Variants in IL17A observed in about 807,000 individuals in gnomAD.
IL17A encodes interleukin 17A.
IL17A carries 1 observed loss-of-function variant against 7.2 expected under a neutral mutation model. The ratio of observed to expected loss-of-function variants is 0.14; its 90% CI spans 0.05 to 0.66. The LOEUF (loss-of-function observed/expected upper bound fraction) is 0.66, where lower values mean the gene tolerates loss of function less well. IL17A is among the 30% of genes least tolerant of loss of function. The pLI, the probability that IL17A is intolerant of heterozygous loss-of-function variation, is 0.84. For missense variants in IL17A, 191 were observed against 197.1 expected (o/e 0.97, Z 0.18); for synonymous variants, 90 against 77.7 (o/e 1.16, Z -0.83).
Position 52,186,453 on chromosome 6 carries a change from T to C in IL17A, c.22T>C (p.Leu8=), listed in dbSNP as rs752836946. 45 of 1,613,774 alleles carry C rather than the reference T, an allele frequency of 2.8e-5. No individual in the cohort carries two copies. The highest frequency in any genetic ancestry group is 1.6e-4 in the Middle Eastern group (1 of 6,080). MTPGKTS[L]VSLLLLLSLE... ...AACGATGACTCCTGGGAAGACCTCATTGGTGGTGAGTCCTGCACTAACGTG... is the reference window on the plus strand; with the variant it reads ...AACGATGACTCCTGGGAAGACCTCACTGGTGGTGAGTCCTGCACTAACGTG... The change falls in exon 1 of 3, where the codon TTG becomes CTG. Residue 8 remains leucine, a synonymous_variant. Coordinates refer to ENST00000648244, the MANE Select transcript of IL17A (RefSeq NM_002190.3).
chr6:52,187,454 A>G (rs1188969707), intron 1 of IL17A, 149 bp from the exon 2 acceptor site: 9 of 721,730 alleles, frequency 1.2e-5, no homozygotes, highest in Non-Finnish European at 1.9e-5. Flanking sequence ...ATTTTTCTCT[A>G]GCTGATCTGA....
Position 52,187,688 on chromosome 6 carries a change from A to C in IL17A, c.113A>C (p.Asp38Ala). The change falls in exon 2 of 3, where the codon GAC (aspartate) becomes GCC (alanine). Residue 38 changes from aspartate (D) to alanine (A), a missense_variant. Coordinates refer to ENST00000648244, the MANE Select transcript of IL17A (RefSeq NM_002190.3). ...AATCCAGGATGCCCAAATTCTGAGG[A>C]CAAGAACTTCCCCCGGACTGTGATG... ...PRNPGCPNSE[D>A]KNFPRTVMVN... 3 of 1,614,118 alleles carry C rather than the reference A, an allele frequency of 1.9e-6. No individual in the cohort carries two copies. Among genetic ancestry groups the C allele is most frequent in the Non-Finnish European group, 2.5e-6 (3 of 1,179,962 alleles).
chr6:52,186,533 G>A (rs917239174), intron 1 of IL17A, 75 bp downstream of exon 1: 24 of 1,410,120 alleles, frequency 1.7e-5, no homozygotes, highest in Admixed American at 3.4e-5. Context: ...GGCATGAAAC[G>A]CTGGGTTCTG....
In IL17A at chr6:52,188,174, T is replaced by A. The variant is rs1582237987; in HGVS notation, c.230+369T>A. On this transcript the variant is annotated intron_variant, in intron 2 of 2. Transcript: ENST00000648244. The stretch of plus-strand genomic sequence containing the variant: ...AACCAGAGCTGCCATTGAGAAGATT[T>A]ATTGCAAATAATTAATAATTAGGGT... 3.9e-5 allele frequency among the ~76,000 whole-genome samples: 6 copies of A among 152,342 alleles called. 1 individual carries two copies. Among genetic ancestry groups the A allele is most frequent in the Admixed American group, 3.9e-4 (6 of 15,304 alleles).
At chr6:52,188,420 G>T (rs1763320138) in intron 2 of IL17A, among the ~76,000 whole-genome samples, 1 of 152,162 alleles carries the variant, frequency 6.6e-6, no homozygotes. Context: ...TCTCTGTTCT[G>T]TGGAGCCTAC....
At chr6:52,187,951 C>T (rs542129933) in intron 2 of IL17A, 146 bp downstream of exon 2, 2 of 691,180 alleles carry the variant, frequency 2.9e-6, no homozygotes, top group Admixed American at 4.9e-5. Flanking sequence ...AATTCTCAAA[C>T]TTTCTACAGA....
chr6:52,187,670 G>T lies in IL17A; in HGVS notation c.95G>T (p.Gly32Val). 1 of 1,614,102 alleles carries T rather than the reference G, an allele frequency of 6.2e-7. No homozygotes were observed. Among genetic ancestry groups the T allele is most frequent in the Non-Finnish European group, 8.5e-7 (1 of 1,179,990 alleles). Residue 32 changes from glycine (G) to valine (V), a missense_variant, in exon 2 of 3, where the codon GGA becomes GTA. By Grantham distance (109) the Gly-to-Val change is moderately radical. Transcript: ENST00000648244. ...GGAATCACAATCCCACGAAATCCAG[G>T]ATGCCCAAATTCTGAGGACAAGAAC... ...KAGITIPRNP[G>V]CPNSEDKNFP...
chr6:52,187,930 C>T lies in IL17A; in HGVS notation c.230+125C>T, dbSNP rs1391304447. On this transcript the variant is annotated intron_variant, in intron 2 of 2. Transcript: ENST00000648244. ...TTACCAGTCAAACCTGGAAGGACCA[C>T]TGTGAAGAGCAATTCTCAAACTTTC... is the stretch of plus-strand genomic sequence containing the variant. 3.8e-6 allele frequency: 3 copies of T among 783,632 alleles called. No individual in the cohort carries two copies. The African/African-American group carries it at 5.1e-5, about 13-fold the overall frequency. The allele number at this position is 783,632 out of a possible 1,614,324, so 48.5% of individuals were successfully genotyped here.
intron 2 of IL17A, 87 bp downstream of exon 2, chr6:52,187,892 T>C: frequency 1.7e-6 from 2 of 1,158,904 alleles, no homozygotes; most frequent in Non-Finnish European, 2.6e-6. Context: ...AGGATGATTT[T>C]ATTCATTTAG....
rs1386733908 is a variant in IL17A at position 52,189,185 on chromosome 6, G to T, written c.361G>T (p.Val121Phe). The change falls in exon 3 of 3, where the codon GTC becomes TTC. Residue 121 changes from valine to phenylalanine, a missense_variant. Transcript: ENST00000648244. ...TGTCCCCATCCAGCAAGAGATCCTGGTCCTGCGCAGGGAGCCTCCACACTG... is the reference window on the plus strand; with the variant it reads ...TGTCCCCATCCAGCAAGAGATCCTGTTCCTGCGCAGGGAGCCTCCACACTG... Reference protein sequence around the residue: ...NSVPIQQEILVLRREPPHCPN... With the variant: ...NSVPIQQEILFLRREPPHCPN... 6.2e-7 allele frequency: 1 copy of T among 1,614,002 alleles called. No individual in the cohort carries two copies. The highest frequency in any genetic ancestry group is 1.7e-5 in the Admixed American group (1 of 60,010).
intron 2 of IL17A, 61 bp downstream of exon 2, chr6:52,187,866 C>T: frequency 7.6e-7 from 1 of 1,308,356 alleles, no homozygotes; most frequent in Non-Finnish European, 1.1e-6. Flanking sequence ...ATCAGACTGC[C>T]AGTTAAATCT....
At chr6:52,187,574 C>G in intron 1 of IL17A, 29 bp from the exon 2 acceptor site, 1 of 1,562,022 alleles carries the variant, frequency 6.4e-7, no homozygotes, top group East Asian at 2.2e-5. Flanking sequence ...TAATCTCCAA[C>G]CTCTCTCTCC....
In IL17A at chr6:52,190,371, A is replaced by G. The variant is rs1438336601; in HGVS notation, c.*1079A>G. The G allele has an allele frequency of 6.6e-6, 1 of 152,168 alleles. No individual in the cohort carries two copies. The highest frequency in any genetic ancestry group is 2.4e-5 in the African/African-American group (1 of 41,420). 9.4% of individuals were successfully genotyped at this position (152,168 alleles called of 1,614,324 possible). A position where few individuals can be genotyped will look rare whatever the true frequency, so the allele number is the denominator to read the frequency against. The stretch of plus-strand genomic sequence containing the variant: ...TTCTGGGAGGAGACATTGTCTTCAG[A>G]CTACAATGTCCAGTTTCTCCCCTAG... On this transcript the variant is annotated 3_prime_UTR_variant, in exon 3 of 3. Transcript: ENST00000648244.
At position 52,189,588 on chromosome 6, in the gene IL17A, G is replaced by C. The variant is rs1402288719; in HGVS notation, c.*296G>C. 2.3e-5 allele frequency: 6 copies of C among 260,358 alleles called. No individual in the cohort carries two copies. The East Asian group carries it at 3.7e-4, about 16-fold the overall frequency. 16.1% of individuals were successfully genotyped at this position (260,358 alleles called of 1,614,324 possible). A position where few individuals can be genotyped will look rare whatever the true frequency, so the allele number is the denominator to read the frequency against. On this transcript the variant is annotated 3_prime_UTR_variant, in exon 3 of 3. Coordinates refer to ENST00000648244, the MANE Select transcript of IL17A (RefSeq NM_002190.3). The stretch of plus-strand genomic sequence containing the variant: ...TTAATATGCCCTGAGATAACTTTGG[G>C]GTATAAGATTCCATTTTAATGAATT...
In IL17A at chr6:52,189,624, TTTTG is replaced by T. The variant is rs1562346726; in HGVS notation, c.*338_*341del. On this transcript the variant is annotated 3_prime_UTR_variant, in exon 3 of 3. Coordinates refer to ENST00000648244, the MANE Select transcript of IL17A (RefSeq NM_002190.3). ...CCATTTTAATGAATTACCTACTTTA[TTTTG>T]TTTGTCTTTTTAAAGAAGATAAGAT... is the stretch of plus-strand genomic sequence containing the variant. 1.0e-5 allele frequency: 2 copies of T among 196,798 alleles called. No individual in the cohort carries two copies. The highest frequency in any genetic ancestry group is 5.8e-5 in the Admixed American group (1 of 17,160). The allele number at this position is 196,798 out of a possible 1,614,324, so 12.2% of individuals were successfully genotyped here.
Position 52,187,786 on chromosome 6 carries a change from A to C in IL17A, c.211A>C (p.Thr71Pro), listed in dbSNP as rs1213956454. The C allele has an allele frequency of 4.3e-6, 7 of 1,613,906 alleles. No individual in the cohort carries two copies. Among genetic ancestry groups the C allele is most frequent in the African/African-American group, 1.3e-5 (1 of 75,020 alleles). Residue 71 changes from threonine to proline, a missense_variant, in exon 2 of 3, where the codon ACC (threonine) becomes CCC (proline). Thr to Pro is a conservative substitution (Grantham distance 38, BLOSUM62 -1). Transcript: ENST00000648244. ...GTCCTCAGATTACTACAACCGATCC[A>C]CCTCACCTTGGAATCTCCAGTACGT... ...KRSSDYYNRS[T>P]SPWNLHRNED...
chr6:52,186,516 G>T, intron 1 of IL17A, 58 bp downstream of exon 1: 1 of 1,567,142 alleles, frequency 6.4e-7, no homozygotes, highest in South Asian at 1.1e-5. Context: ...AGTATTTCTG[G>T]ACCGTGGGCA....
chr6:52,186,532 C>T (rs554117879), intron 1 of IL17A, 74 bp downstream of exon 1: 19 of 1,423,220 alleles, frequency 1.3e-5, no homozygotes, highest in Non-Finnish European at 1.8e-5. Flanking sequence ...GGGCATGAAA[C>T]GCTGGGTTCT....
chr6:52,186,453 T>A lies in IL17A; in HGVS notation c.22T>A (p.Leu8Met). 1 of 1,613,892 alleles carries A rather than the reference T, an allele frequency of 6.2e-7. No homozygotes were observed. The highest frequency in any genetic ancestry group is 8.5e-7 in the Non-Finnish European group (1 of 1,179,824). The change falls in exon 1 of 3, where the codon TTG (leucine) becomes ATG (methionine). Residue 8 changes from leucine (L) to methionine (M), a missense_variant. By Grantham distance (15) the Leu-to-Met change is conservative. Coordinates refer to ENST00000648244, the MANE Select transcript of IL17A (RefSeq NM_002190.3). MTPGKTS[L>M]VSLLLLLSLE... Reference sequence around the variant, plus strand: ...AACGATGACTCCTGGGAAGACCTCATTGGTGGTGAGTCCTGCACTAACGTG... The same window carrying A: ...AACGATGACTCCTGGGAAGACCTCAATGGTGGTGAGTCCTGCACTAACGTG...
Sources: allele counts gnomAD v4.1 joint callset (sites outside exome capture counted in the v4.1 genomes callset), GRCh38; gene constraint gnomAD v4.1.1; transcripts MANE v1.5; gene names NCBI Gene and HGNC (gene_info 2026-07-23, HGNC 2026-07-21).